The following ADAMTSL1 variants were observed in gnomAD, a reference collection of about 807,000 sequenced individuals.
The protein encoded by ADAMTSL1 is ADAMTS-like protein 1.
In ADAMTSL1, 126 loss-of-function variants were observed where a neutral mutation model predicts 201.8. The ratio of observed to expected loss-of-function variants is 0.62; its 90% CI spans 0.54 to 0.72. The LOEUF (loss-of-function observed/expected upper bound fraction) is 0.72, where lower values mean the gene tolerates loss of function less well. Ranked by LOEUF, ADAMTSL1 falls within the 30% of genes least tolerant of loss-of-function variation. The pLI is 0.00. For synonymous variants in ADAMTSL1, 1,121 were observed against 903.4 expected (o/e 1.24, Z -4.32); for missense variants, 2,679 against 2,277.8 (o/e 1.18, Z -3.59).
chr9:18,777,233 T>C lies in ADAMTSL1; in HGVS notation c.3004T>C (p.Phe1002Leu), dbSNP rs543206213. ...GACCCACAAACACCAGAACGGGATCTTCTCCAACGGCAGCAAGGCGGAGAA... is the reference window on the plus strand; with the variant it reads ...GACCCACAAACACCAGAACGGGATCCTCTCCAACGGCAGCAAGGCGGAGAA... ...LQTHKHQNGI[F>L]SNGSKAEKRG... Residue 1002 changes from phenylalanine to leucine, a missense_variant, in exon 19 of 29, where the codon TTC becomes CTC. By Grantham distance (22) the Phe-to-Leu change is conservative. Coordinates refer to ENST00000380548, the MANE Select transcript of ADAMTSL1 (RefSeq NM_001040272.6). The C allele has an allele frequency of 3.1e-5, 50 of 1,612,678 alleles. No homozygotes were observed. In the East Asian group the frequency reaches 7.4e-4, roughly 24 times the overall value.
chr9:18,132,283 A>C (rs1200756661), intron 1 of ADAMTSL1, among the ~76,000 whole-genome samples: 5 of 152,042 alleles, frequency 3.3e-5, no homozygotes, highest in Non-Finnish European at 5.9e-5. Flanking sequence ...GCCATATTTT[A>C]ATTTTGAAAT....
rs143069174 is a variant in ADAMTSL1, at chr9:18,584,465, C to G, written c.474+10199C>G. Among the ~76,000 whole-genome samples the G allele has an allele frequency of 2.6e-5, 4 of 152,218 alleles. No homozygotes were observed. In the East Asian group the frequency reaches 7.7e-4, roughly 29 times the overall value. The stretch of plus-strand genomic sequence containing the variant: ...TCTTTATCAGCAGCATGGAAACAGA[C>G]TAATACATCGCTGAAAGTTCTACTT... On this transcript the variant is annotated intron_variant, in intron 4 of 28. Coordinates refer to ENST00000380548, the MANE Select transcript of ADAMTSL1 (RefSeq NM_001040272.6).
At chr9:18,058,000 G>A (rs529980766) in intron 1 of ADAMTSL1, among the ~76,000 whole-genome samples, 2 of 152,186 alleles carry the variant, frequency 1.3e-5, no homozygotes, top group Admixed American at 6.5e-5. Context: ...CTATAAGTCA[G>A]CAGGGAAGGG....
At chr9:18,334,016 T>C (rs1835133696) in intron 2 of ADAMTSL1, among the ~76,000 whole-genome samples, 2 of 152,296 alleles carry the variant, frequency 1.3e-5, no homozygotes, top group Admixed American at 1.3e-4. Context: ...GGAGATTTCC[T>C]AGGCATTAAA....
At chr9:18,645,584 T>C (rs62549388) in intron 7 of ADAMTSL1, among the ~76,000 whole-genome samples, 28,795 of 151,614 alleles carry the variant, frequency 0.19, 2,912 homozygotes, top group Non-Finnish European at 0.23. Context: ...GAGGAAGGGA[T>C]CCAGTTTCAG....
chr9:18,287,535 A>G (rs1833044992), intron 2 of ADAMTSL1, among the ~76,000 whole-genome samples: 1 of 151,420 alleles, frequency 6.6e-6, no homozygotes, highest in South Asian at 2.1e-4. Flanking sequence ...ACATATATGT[A>G]AAATACATAT....
chr9:18,071,690 T>C (rs888616939), intron 1 of ADAMTSL1, among the ~76,000 whole-genome samples: 3 of 152,206 alleles, frequency 2.0e-5, no homozygotes, highest in Non-Finnish European at 4.4e-5. Context: ...GTGTCCTCTA[T>C]AGAGATTTCT....
At chr9:18,904,295 C>T (rs1830166440) in intron 26 of ADAMTSL1, among the ~76,000 whole-genome samples, 1 of 152,004 alleles carries the variant, frequency 6.6e-6, no homozygotes, top group Admixed American at 6.6e-5. Flanking sequence ...ATGGCGAAAT[C>T]CTATCTCTAC....
chr9:18,795,519 T>C lies in ADAMTSL1; in HGVS notation c.3800T>C (p.Leu1267Ser), dbSNP rs1822368904. ...GYDSVSIAVT[L>S]AGKPLVKTSR... The stretch of plus-strand genomic sequence containing the variant: ...GACTCTGTCTCCATTGCCGTCACAT[T>C]AGCAGGTAACCCAAAAATCCCTGTT... The change falls in exon 20 of 29, where the codon TTA (leucine) becomes TCA (serine). Residue 1267 changes from leucine to serine, a missense_variant. Physicochemically the swap from Leu to Ser is moderately radical, Grantham distance 145 (BLOSUM62 -2). Coordinates refer to ENST00000380548, the MANE Select transcript of ADAMTSL1 (RefSeq NM_001040272.6). 2 of 1,610,472 alleles carry C rather than the reference T, an allele frequency of 1.2e-6. No individual in the cohort carries two copies. The highest frequency in any genetic ancestry group is 8.5e-7 in the Non-Finnish European group (1 of 1,178,198).
chr9:18,378,053 C>T (rs1352897345), intron 2 of ADAMTSL1, among the ~76,000 whole-genome samples: 3 of 152,162 alleles, frequency 2.0e-5, no homozygotes, highest in African/African-American at 7.2e-5. Context: ...GAACTTGATT[C>T]TTCTCTGGGA....
intron 1 of ADAMTSL1, among the ~76,000 whole-genome samples, chr9:18,082,601 A>G (rs964420170): frequency 1.3e-5 from 2 of 152,246 alleles, no homozygotes; most frequent in Non-Finnish European, 2.9e-5. Context: ...CCTCCTCTTC[A>G]AGCCTCCCCA....
chr9:17,926,824 A>G (rs1826556064), intron 1 of ADAMTSL1, among the ~76,000 whole-genome samples: 1 of 152,158 alleles, frequency 6.6e-6, no homozygotes, highest in South Asian at 2.1e-4. Context: ...GTGTACAGAG[A>G]TTCTCCGACA....
chr9:18,412,349 C>T (rs964384051), intron 2 of ADAMTSL1, among the ~76,000 whole-genome samples: 26 of 152,256 alleles, frequency 1.7e-4, no homozygotes, highest in Non-Finnish European at 3.5e-4. Context: ...GTAAAGTCCC[C>T]CATTGTCATT....
chr9:18,391,421 A>C (rs1008021031), intron 2 of ADAMTSL1, among the ~76,000 whole-genome samples: 1 of 152,124 alleles, frequency 6.6e-6, no homozygotes, highest in Non-Finnish European at 1.5e-5. Flanking sequence ...ACTAGACAGG[A>C]TGTTACATAG....
chr9:18,643,927 G>C (rs1364471083), intron 7 of ADAMTSL1, among the ~76,000 whole-genome samples: 1 of 151,866 alleles, frequency 6.6e-6, no homozygotes, highest in Non-Finnish European at 1.5e-5. Flanking sequence ...AATGTCATTG[G>C]AATTTTGATG....
At chr9:18,805,184 C>G (rs1823029684) in intron 20 of ADAMTSL1, among the ~76,000 whole-genome samples, 1 of 152,160 alleles carries the variant, frequency 6.6e-6, no homozygotes, top group Admixed American at 6.5e-5. Context: ...TTCAACAAGG[C>G]CAGCCATGGT....
At chr9:18,584,234 C>T (rs552657728) in intron 4 of ADAMTSL1, among the ~76,000 whole-genome samples, 8 of 152,142 alleles carry the variant, frequency 5.3e-5, no homozygotes, top group Admixed American at 1.3e-4. Context: ...GTCTTTCCTG[C>T]GCTGTTCTCG....
At chr9:18,065,253 C>T (rs546698277) in intron 1 of ADAMTSL1, among the ~76,000 whole-genome samples, 1 of 152,186 alleles carries the variant, frequency 6.6e-6, no homozygotes, top group Non-Finnish European at 1.5e-5. Context: ...GCAAGGATTT[C>T]CTGTACACAG....
At chr9:18,149,412 C>G (rs948822314) in intron 1 of ADAMTSL1, among the ~76,000 whole-genome samples, 1 of 151,896 alleles carries the variant, frequency 6.6e-6, no homozygotes, top group Non-Finnish European at 1.5e-5. Context: ...GGAGACCCAA[C>G]AGAAAAGGCT....
Sources: gnomAD v4.1 joint callset for allele counts (sites outside exome capture counted in the v4.1 genomes callset) on GRCh38, gnomAD v4.1.1 for gene constraint, MANE v1.5 for transcripts, NCBI Gene and HGNC (gene_info 2026-07-23, HGNC 2026-07-21) for gene names.